MAGI1: variants seen among roughly 807,000 people sequenced by gnomAD.
The protein encoded by MAGI1 is membrane associated guanylate kinase, WW and PDZ domain containing 1, also known as membrane-associated guanylate kinase, WW and PDZ domain-containing protein 1.
A neutral mutation model predicts 139.9 loss-of-function variants in MAGI1; 58 were observed. The observed-to-expected ratio is 0.41, with a 90% CI of 0.34 to 0.52. MAGI1 has a LOEUF of 0.52. Among genes scored for constraint, MAGI1 ranks in the 20% least tolerant of loss-of-function variants. MAGI1 has a pLI of 0.12. For missense variants in MAGI1, 1,874 were observed against 1,901.6 expected (o/e 0.99, Z 0.27); for synonymous variants, 812 against 737.9 (o/e 1.10, Z -1.63).
intron 2 of MAGI1, among the ~76,000 whole-genome samples, chr3:65,557,083 T>G (rs1192712793): frequency 6.6e-6 from 1 of 152,234 alleles, no homozygotes; most frequent in African/African-American, 2.4e-5. Flanking sequence ...CGGTATGTTG[T>G]TGACCTCCAA....
At chr3:65,598,923 G>C (rs565873079) in intron 2 of MAGI1, among the ~76,000 whole-genome samples, 1 of 152,172 alleles carries the variant, frequency 6.6e-6, no homozygotes, top group Admixed American at 6.5e-5. Context: ...TTTTCAAATG[G>C]TCAGTCATTG....
At chr3:65,893,471 C>G (rs940167109) in intron 1 of MAGI1, among the ~76,000 whole-genome samples, 7 of 151,890 alleles carry the variant, frequency 4.6e-5, no homozygotes, top group African/African-American at 1.7e-4. Flanking sequence ...CTCAAAAATC[C>G]AACAATATAG....
At chr3:65,628,778 A>G (rs1216524244) in intron 1 of MAGI1, among the ~76,000 whole-genome samples, 2 of 152,124 alleles carry the variant, frequency 1.3e-5, no homozygotes, top group African/African-American at 4.8e-5. Flanking sequence ...ATGTTTCCCA[A>G]TCTACTAAAG....
chr3:65,388,722 G>A (rs557642010), intron 14 of MAGI1, among the ~76,000 whole-genome samples: 2 of 151,144 alleles, frequency 1.3e-5, no homozygotes, highest in South Asian at 2.1e-4. Context: ...CTATCTATCC[G>A]TCAACTACAG....
chr3:65,898,997 C>T (rs941767437), intron 1 of MAGI1, among the ~76,000 whole-genome samples: 2 of 152,192 alleles, frequency 1.3e-5, no homozygotes, highest in African/African-American at 4.8e-5. Context: ...TCTTGCCTCA[C>T]TGAAGCCTCA....
At chr3:65,838,642 A>G (rs188852093) in intron 1 of MAGI1, among the ~76,000 whole-genome samples, 4 of 152,224 alleles carry the variant, frequency 2.6e-5, no homozygotes, top group South Asian at 2.1e-4. Flanking sequence ...CAGCTGTTGT[A>G]GCACACTTTA....
Position 65,933,280 on chromosome 3 carries a change from G to T in MAGI1, c.313+104716C>A, listed in dbSNP as rs557584882. On this transcript the variant is annotated intron_variant, in intron 1 of 22. Coordinates refer to ENST00000402939, the MANE Select transcript of MAGI1 (RefSeq NM_001033057.2). ...AGGAACAGTTTAGTTCGTGGCTCAG[G>T]ATCTCATGTGGTTGCAATCAAAATA... Among the ~76,000 whole-genome samples, 17 of 152,292 alleles carry T rather than the reference G, an allele frequency of 1.1e-4. No individual in the cohort carries two copies. The South Asian group carries it at 2.9e-3, about 26-fold the overall frequency.
chr3:65,631,691 C>T (rs1158055698), intron 1 of MAGI1, among the ~76,000 whole-genome samples: 1 of 152,128 alleles, frequency 6.6e-6, no homozygotes, highest in Non-Finnish European at 1.5e-5. Context: ...GGTACGTAAA[C>T]TCATGGCAAT....
Position 66,038,082 on chromosome 3 carries a change from A to G in MAGI1, c.227T>C (p.Val76Ala), listed in dbSNP as rs778748357. The G allele has an allele frequency of 2.7e-5, 44 of 1,612,348 alleles. No homozygotes were observed. Among genetic ancestry groups the G allele is most frequent in the Non-Finnish European group, 3.6e-5 (42 of 1,179,594 alleles). ...EGELLLEVQG[V>A]RVSGLPRYDV... ...ATAGCGGGGCAAGCCGGACACCCGGACCCCCTGCACCTCCAGAAGCAGCTC... is the reference window on the plus strand; with the variant it reads ...ATAGCGGGGCAAGCCGGACACCCGGGCCCCCTGCACCTCCAGAAGCAGCTC... Residue 76 changes from valine to alanine, a missense_variant, in exon 1 of 23, where the codon GTC (valine) becomes GCC (alanine). Transcript: ENST00000402939.
intron 1 of MAGI1, among the ~76,000 whole-genome samples, chr3:65,889,205 T>G (rs1182505134): frequency 6.6e-6 from 1 of 152,212 alleles, no homozygotes; most frequent in Non-Finnish European, 1.5e-5. Context: ...GCTGATATAA[T>G]GTCCATGGGT....
intron 1 of MAGI1, among the ~76,000 whole-genome samples, chr3:65,998,962 G>T (rs778287592): frequency 1.1e-4 from 17 of 151,932 alleles, no homozygotes; most frequent in Non-Finnish European, 1.9e-4. Context: ...ACAGAGAATA[G>T]AATCACATCT....
rs1161862333 is a variant in MAGI1 at position 65,354,740 on chromosome 3, C to T, written c.*1638G>A. On this transcript the variant is annotated 3_prime_UTR_variant, in exon 23 of 23. Transcript: ENST00000402939. Reference sequence around the variant, plus strand: ...TGTTCCATATTCAGAAATATAAACACGTATCACATTCCTCACAGCTAAATT... The same window carrying T: ...TGTTCCATATTCAGAAATATAAACATGTATCACATTCCTCACAGCTAAATT... 6.5e-6 allele frequency: 1 copy of T among 152,672 alleles called. No homozygotes were observed. Among genetic ancestry groups the T allele is most frequent in the Admixed American group, 6.5e-5 (1 of 15,290 alleles). 9.5% of individuals were successfully genotyped at this position (152,672 alleles called of 1,614,324 possible).
chr3:65,694,594 G>A (rs374555435), intron 1 of MAGI1, among the ~76,000 whole-genome samples: 3 of 152,086 alleles, frequency 2.0e-5, no homozygotes, highest in East Asian at 1.9e-4. Flanking sequence ...GGACAGTTTC[G>A]GCAACACCAA....
intron 1 of MAGI1, among the ~76,000 whole-genome samples, chr3:65,834,582 C>T (rs2042705198): frequency 6.6e-6 from 1 of 152,142 alleles, no homozygotes; most frequent in Non-Finnish European, 1.5e-5. Flanking sequence ...CTATAAATGC[C>T]AATTAGATTC....
intron 1 of MAGI1, among the ~76,000 whole-genome samples, chr3:65,880,563 A>G (rs1318261959): frequency 6.6e-6 from 1 of 152,154 alleles, no homozygotes; most frequent in Non-Finnish European, 1.5e-5. Flanking sequence ...CCCAAAACAA[A>G]TATCTTTATG....
At chr3:66,013,542 A>T (rs1174174519) in intron 1 of MAGI1, among the ~76,000 whole-genome samples, 2 of 151,974 alleles carry the variant, frequency 1.3e-5, no homozygotes, top group Non-Finnish European at 2.9e-5. Context: ...TGGGCGGATC[A>T]CGAGATCAGG....
chr3:65,701,000 C>T (rs549705564), intron 1 of MAGI1, among the ~76,000 whole-genome samples: 4 of 152,106 alleles, frequency 2.6e-5, no homozygotes, highest in Non-Finnish European at 5.9e-5. Context: ...TAACACAATG[C>T]GGCCACCATC....
In MAGI1 at chr3:65,363,384, A is replaced by G. The variant is rs1035764878; in HGVS notation, c.3495+81T>C. The G allele has an allele frequency of 8.9e-6, 13 of 1,457,172 alleles. No individual in the cohort carries two copies. In the African/African-American group the frequency reaches 1.4e-4, roughly 16 times the overall value. The allele number at this position is 1,457,172 out of a possible 1,614,324, so 90.3% of individuals were successfully genotyped here. A position where few individuals can be genotyped will look rare whatever the true frequency, so the allele number is the denominator to read the frequency against. ...TATAGAAAATGTAGTTCTTATGAAC[A>G]TGAACATTCTAACCATATATGACAA... On this transcript the variant is annotated intron_variant, in intron 21 of 22. Transcript: ENST00000402939.
chr3:65,741,935 G>A (rs1484394471), intron 1 of MAGI1, among the ~76,000 whole-genome samples: 17 of 152,050 alleles, frequency 1.1e-4, no homozygotes, highest in Admixed American at 2.6e-4. Context: ...TGTCATGCCC[G>A]GAACTAGGTA....
Sources: gnomAD v4.1 joint callset for allele counts (sites outside exome capture counted in the v4.1 genomes callset) on GRCh38, gnomAD v4.1.1 for gene constraint, MANE v1.5 for transcripts, NCBI Gene and HGNC (gene_info 2026-07-23, HGNC 2026-07-21) for gene names.